APEX2: variants seen among roughly 807,000 people sequenced by gnomAD.
APEX2 encodes apurinic/apyrimidinic endodeoxyribonuclease 2.
Under a neutral mutation model 16.7 loss-of-function variants are expected in APEX2, and 4 were observed. The ratio of observed to expected loss-of-function variants is 0.24; its 90% CI spans 0.12 to 0.55. APEX2 has a LOEUF of 0.55. Among genes scored for constraint, APEX2 ranks in the 20% least tolerant of loss-of-function variants. The probability of loss-of-function intolerance (pLI) is 0.94; values close to 1 mark genes in which losing one functional copy is unlikely to be tolerated. For synonymous variants in APEX2, 181 were observed against 166.9 expected, an observed-to-expected ratio of 1.08 and a Z score of -0.65; for missense variants, 357 against 433.6, an observed-to-expected ratio of 0.82 and a Z score of 1.57.
Position 55,001,604 on chromosome X carries a change from C to T in APEX2, c.216C>T (p.Phe72=). ...IVEGYNSYFS[F]SRNRSGYSGV... Reference sequence around the variant, plus strand: ...AGGGTTATAACTCCTATTTCAGCTTCAGCCGCAACCGTAGCGGCTATTCTG... The same window carrying T: ...AGGGTTATAACTCCTATTTCAGCTTTAGCCGCAACCGTAGCGGCTATTCTG... The change falls in exon 2 of 6, where the codon TTC becomes TTT. Residue 72 remains phenylalanine, a synonymous_variant. Transcript: ENST00000374987. The T allele has an allele frequency of 1.7e-6, 2 of 1,206,659 alleles. No individual in the cohort carries two copies. The highest frequency in any genetic ancestry group is 2.2e-6 in the Non-Finnish European group (2 of 893,080).
At position 55,008,232 on chromosome X, in the gene APEX2, G is replaced by T. The variant is rs1935535458; in HGVS notation, c.*797G>T. On this transcript the variant is annotated 3_prime_UTR_variant, in exon 6 of 6. Transcript: ENST00000374987. ...CTGTGACCTGGAAAGTGGGAGCATT[G>T]CTTTGAACACAGTGCTTGCTCTAGC... 8.9e-6 allele frequency: 1 copy of T among 112,306 alleles called. No individual in the cohort carries two copies. The highest frequency in any genetic ancestry group is 3.7e-4 in the South Asian group (1 of 2,732). The allele number at this position is 112,306 out of a possible 1,213,427, so 9.3% of individuals were successfully genotyped here. A position where few individuals can be genotyped will look rare whatever the true frequency, so the allele number is the denominator to read the frequency against.
intron 1 of APEX2, 87 bp downstream of exon 1, chrX:55,000,666 G>A (rs1935426541): frequency 9.6e-7 from 1 of 1,044,412 alleles, no homozygotes. Context: ...TACTTTCCCA[G>A]TTTCCTATTC....
chrX:55,003,441 C>G (rs1269873441), intron 4 of APEX2, among the ~76,000 whole-genome samples: 1 of 112,023 alleles, frequency 8.9e-6, no homozygotes, highest in Non-Finnish European at 1.9e-5. Context: ...TGCGTGGGAG[C>G]AAAGGAAAGT....
intron 5 of APEX2, among the ~76,000 whole-genome samples, chrX:55,005,176 G>T (rs1018439056): frequency 1.8e-5 from 2 of 111,796 alleles, no homozygotes; most frequent in African/African-American, 6.5e-5. Flanking sequence ...GTGGTGGTGT[G>T]GTGGGGAGCG....
rs1185139451 is a variant in APEX2, at chrX:55,006,831, C to G, written c.953C>G (p.Ala318Gly). 8.3e-7 allele frequency: 1 copy of G among 1,211,756 alleles called. No individual in the cohort carries two copies. The highest frequency in any genetic ancestry group is 1.8e-5 in the South Asian group (1 of 56,937). ...GAVLSVSSVP[A>G]KQCPPLCTRF... ...GTCTTGAGTGTGTCCTCTGTGCCTG[C>G]AAAACAGTGCCCACCTCTGTGCACC... The change falls in exon 6 of 6, where the codon GCA (alanine) becomes GGA (glycine). Residue 318 changes from alanine (A) to glycine (G), a missense_variant. Physicochemically the swap from Ala to Gly is moderately conservative, Grantham distance 60. Transcript: ENST00000374987.
rs1239754149 is a variant in APEX2 at position 55,006,895 on chromosome X, C to T, written c.1017C>T (p.Ile339=). The part of the protein sequence containing the change: ...LPEFAGTQLK[I]LRFLVPLEQS... ...AGTTTGCAGGCACCCAGCTCAAGAT[C>T]CTTCGCTTCCTAGTTCCTCTCGAAC... is the stretch of plus-strand genomic sequence containing the variant. The change falls in exon 6 of 6, where the codon ATC becomes ATT. Residue 339 remains isoleucine (I), a synonymous_variant. Coordinates refer to ENST00000374987, the MANE Select transcript of APEX2 (RefSeq NM_014481.4). The T allele has an allele frequency of 8.3e-7, 1 of 1,211,653 alleles. No homozygotes were observed. Among genetic ancestry groups the T allele is most frequent in the Admixed American group, 2.2e-5 (1 of 46,048 alleles).
In APEX2 at chrX:55,007,784, G is replaced by T; in HGVS notation, c.*349G>T. The T allele has an allele frequency of 5.5e-6, 1 of 183,121 alleles. No individual in the cohort carries two copies. Among genetic ancestry groups the T allele is most frequent in the Non-Finnish European group, 1.0e-5 (1 of 98,460 alleles). 15.1% of individuals were successfully genotyped at this position (183,121 alleles called of 1,213,427 possible). On this transcript the variant is annotated 3_prime_UTR_variant, in exon 6 of 6. Coordinates refer to ENST00000374987, the MANE Select transcript of APEX2 (RefSeq NM_014481.4). ...TGTATTTGTTTCAGGGTTGCACTTT[G>T]GACATTGTGGAGGTACTCCATAAAG...
At chrX:55,003,959 C>T (rs985452168) in intron 5 of APEX2, 91 bp downstream of exon 5, 28 of 837,285 alleles carry the variant, frequency 3.3e-5, no homozygotes, top group Non-Finnish European at 4.8e-5. Context: ...GGGACAGCTT[C>T]CTTTATGGGA....
chrX:55,007,491 CAG>C lies in APEX2; in HGVS notation c.*57_*58del. On this transcript the variant is annotated 3_prime_UTR_variant, in exon 6 of 6. Transcript: ENST00000374987. The stretch of plus-strand genomic sequence containing the variant: ...GTCACCCCTGCACATGATCTGAGGC[CAG>C]CTCCCCTTCCCTGAGCTGCCTCCTG... 1.9e-6 allele frequency: 2 copies of C among 1,076,280 alleles called. No individual in the cohort carries two copies. The highest frequency in any genetic ancestry group is 2.4e-6 in the Non-Finnish European group (2 of 820,093). 88.7% of individuals were successfully genotyped at this position (1,076,280 alleles called of 1,213,427 possible). A position where few individuals can be genotyped will look rare whatever the true frequency, so the allele number is the denominator to read the frequency against.
intron 5 of APEX2, among the ~76,000 whole-genome samples, chrX:55,004,904 G>A (rs1327154028): frequency 9.0e-6 from 1 of 111,431 alleles, no homozygotes; most frequent in African/African-American, 3.3e-5. Context: ...CGTTCTAAAA[G>A]CCCCCAGTGT....
At chrX:55,003,764 A>AC in intron 4 of APEX2, 35 bp from the exon 5 acceptor site, 3 of 1,183,019 alleles carry the variant, frequency 2.5e-6, no homozygotes, top group Admixed American at 2.2e-5. Context: ...GGACTGCTGC[A>AC]CCCCTTTCTA....
At chrX:55,001,243 T>C (rs980907288) in intron 1 of APEX2, among the ~76,000 whole-genome samples, 1 of 109,327 alleles carries the variant, frequency 9.1e-6, no homozygotes, top group Non-Finnish European at 1.9e-5. Context: ...CATCCCCAGC[T>C]TCCTCCTATC....
At chrX:55,000,723 A>C in intron 1 of APEX2, 144 bp downstream of exon 1, 1 of 677,492 alleles carries the variant, frequency 1.5e-6, no homozygotes, top group Admixed American at 4.7e-5. Flanking sequence ...TTAAACTTCC[A>C]TTTCCCACCC....
intron 5 of APEX2, 151 bp from the exon 6 acceptor site, chrX:55,006,367 C>T: frequency 5.7e-6 from 2 of 348,823 alleles, no homozygotes; most frequent in Non-Finnish European, 4.8e-6. Flanking sequence ...CCAGCTCTGC[C>T]AATTCCGGAC....
At chrX:55,001,654 T>C in intron 2 of APEX2, 25 bp downstream of exon 2, 1 of 1,149,323 alleles carries the variant, frequency 8.7e-7, no homozygotes, top group Admixed American at 2.4e-5. Flanking sequence ...CTGTGGACTT[T>C]AAATTAGTGA....
In APEX2 at chrX:55,002,294, T is replaced by A; in HGVS notation, c.285T>A (p.Ala95=). The A allele has an allele frequency of 1.7e-6, 2 of 1,208,792 alleles. No individual in the cohort carries two copies. The highest frequency in any genetic ancestry group is 2.2e-6 in the Non-Finnish European group (2 of 894,324). Residue 95 remains alanine (A), a synonymous_variant, in exon 3 of 6, where the codon GCT becomes GCA. Coordinates refer to ENST00000374987, the MANE Select transcript of APEX2 (RefSeq NM_014481.4). ...AGGACAATGCTACCCCAGTGGCTGCTGAAGAAGGCCTGAGTGGCCTGTTTG... is the reference window on the plus strand; with the variant it reads ...AGGACAATGCTACCCCAGTGGCTGCAGAAGAAGGCCTGAGTGGCCTGTTTG... ...FCKDNATPVA[A]EEGLSGLFAT...
In APEX2 at chrX:55,006,653, A is replaced by G; in HGVS notation, c.775A>G (p.Thr259Ala). The G allele has an allele frequency of 8.6e-7, 1 of 1,163,416 alleles. No individual in the cohort carries two copies. The change falls in exon 6 of 6, where the codon ACC becomes GCC. Residue 259 changes from threonine to alanine, a missense_variant. Thr to Ala is a moderately conservative substitution (Grantham distance 58). Coordinates refer to ENST00000374987, the MANE Select transcript of APEX2 (RefSeq NM_014481.4). ...CCAACCAAAGCAGGAGGGGGCCTTC[A>G]CCTGCTGGTCAGCAGTCACTGGCGC... is the stretch of plus-strand genomic sequence containing the variant. ...CFQPKQEGAF[T>A]CWSAVTGARH...
In APEX2 at chrX:55,006,547, G is replaced by A. The variant is rs771481521; in HGVS notation, c.669G>A (p.Lys223=). 8.8e-7 allele frequency: 1 copy of A among 1,131,579 alleles called. No homozygotes were observed. The highest frequency in any genetic ancestry group is 3.1e-5 in the Admixed American group (1 of 32,707). 93.3% of individuals were successfully genotyped at this position (1,131,579 alleles called of 1,213,427 possible). A position where few individuals can be genotyped will look rare whatever the true frequency, so the allele number is the denominator to read the frequency against. Reference sequence around the variant, plus strand: ...GCTTTGAAGAGGACCCAGGGCGCAAGTGGATGGACAGCTTGCTCAGTAACT... The same window carrying A: ...GCTTTGAAGAGGACCCAGGGCGCAAATGGATGGACAGCTTGCTCAGTAACT... ...LECFEEDPGR[K]WMDSLLSNLG... Residue 223 remains lysine (K), a synonymous_variant, in exon 6 of 6, where the codon AAG becomes AAA. Transcript: ENST00000374987.
In APEX2 at chrX:55,000,387, G is replaced by A; in HGVS notation, c.-36G>A. 1 of 1,122,941 alleles carries A rather than the reference G, an allele frequency of 8.9e-7. No homozygotes were observed. Among genetic ancestry groups the A allele is most frequent in the Non-Finnish European group, 1.2e-6 (1 of 850,766 alleles). 92.5% of individuals were successfully genotyped at this position (1,122,941 alleles called of 1,213,427 possible). On this transcript the variant is annotated 5_prime_UTR_variant, in exon 1 of 6. Transcript: ENST00000374987. ...CAGGAAGCAGTTCGCTCGCGCCTAG[G>A]TTGGCGCGGGCTGGGAGGTGTTCCA...
Sources: allele counts gnomAD v4.1 joint callset (sites outside exome capture counted in the v4.1 genomes callset), GRCh38; gene constraint gnomAD v4.1.1; transcripts MANE v1.5; gene names NCBI Gene and HGNC (gene_info 2026-07-23, HGNC 2026-07-21).